The following PUM3 variants were observed in gnomAD, a reference collection of about 807,000 sequenced individuals.
PUM3 encodes the protein pumilio RNA binding family member 3, also known as pumilio homolog 3.
PUM3 carries 91 observed loss-of-function variants against 84.0 expected under a neutral mutation model. That is an observed-to-expected ratio of 1.08 (90% CI 0.91 to 1.29). The LOEUF (loss-of-function observed/expected upper bound fraction) is 1.29. Among genes scored for constraint, PUM3 ranks in the 50% most tolerant of loss-of-function variants. PUM3 has a pLI of 0.00. For synonymous variants in PUM3, 321 were observed against 266.7 expected (o/e 1.20, Z -1.98); for missense variants, 1,067 against 767.5 (o/e 1.39, Z -4.61).
At chr9:2,819,951 T>G (rs1821552831) in intron 13 of PUM3, 67 bp downstream of exon 13, 2 of 1,043,140 alleles carry the variant, frequency 1.9e-6, no homozygotes, top group African/African-American at 1.6e-5. Context: ...CATGGTGAAA[T>G]CAAGCTTACA....
chr9:2,824,967 A>G (rs1414868994), intron 10 of PUM3, 152 bp from the exon 11 acceptor site: 3 of 449,894 alleles, frequency 6.7e-6, no homozygotes, highest in Non-Finnish European at 7.8e-6. Flanking sequence ...ACAATCAAAC[A>G]GAAACACGAG....
chr9:2,804,268 T>C lies in PUM3; in HGVS notation c.*63A>G. On this transcript the variant is annotated 3_prime_UTR_variant, in exon 18 of 18. Transcript: ENST00000397885. ...ATGGTGGACCCTACCCCTTCTTTTC[T>C]GCATTGGGAAACAGAACAGAGAACA... 1 of 1,551,636 alleles carries C rather than the reference T, an allele frequency of 6.4e-7. No homozygotes were observed. The highest frequency in any genetic ancestry group is 1.8e-5 in the Admixed American group (1 of 54,756).
intron 17 of PUM3, among the ~76,000 whole-genome samples, chr9:2,805,977 C>T (rs1264149842): frequency 2.0e-5 from 3 of 152,192 alleles, no homozygotes; most frequent in African/African-American, 7.2e-5. Flanking sequence ...CCAAAATTTA[C>T]AAAAACAATT....
chr9:2,815,842 C>T (rs1292516989), intron 13 of PUM3, among the ~76,000 whole-genome samples: 3 of 152,038 alleles, frequency 2.0e-5, no homozygotes, highest in Non-Finnish European at 4.4e-5. Context: ...TCACAAAGGC[C>T]CATTTATTGT....
Position 2,811,198 on chromosome 9 carries a change from G to C in PUM3, c.1635+163C>G, listed in dbSNP as rs1464815163. Reference sequence around the variant, plus strand: ...TACCAGGCTTTGACCCAGATGGTTAGAGAAAATTAAAGATGAATGTAATTG... The same window carrying C: ...TACCAGGCTTTGACCCAGATGGTTACAGAAAATTAAAGATGAATGTAATTG... On this transcript the variant is annotated intron_variant, in intron 15 of 17. Coordinates refer to ENST00000397885, the MANE Select transcript of PUM3 (RefSeq NM_014878.5). Among the ~76,000 whole-genome samples, 3 of 152,200 alleles carry C rather than the reference G, an allele frequency of 2.0e-5. No homozygotes were observed. The East Asian group carries it at 5.8e-4, about 29-fold the overall frequency.
intron 9 of PUM3, chr9:2,828,407 A>C: frequency 2.9e-6 from 1 of 343,628 alleles, no homozygotes; most frequent in Non-Finnish European, 5.3e-6. Flanking sequence ...TCCATGTAAC[A>C]TTTTATTTGG....
rs77065993 is a variant in PUM3, at chr9:2,840,890, C to T, written c.-10-2373G>A. Among the ~76,000 whole-genome samples, 253 of 152,276 alleles carry T rather than the reference C, an allele frequency of 1.7e-3. 1 individual carries two copies. Among genetic ancestry groups the T allele is most frequent in the Non-Finnish European group, 2.7e-3 (184 of 68,040 alleles). ...GTATTTAAAAACCAAGATCTGAGTGCTAGGCGCACTTGTTGTCACTGAGGT... is the reference window on the plus strand; with the variant it reads ...GTATTTAAAAACCAAGATCTGAGTGTTAGGCGCACTTGTTGTCACTGAGGT... On this transcript the variant is annotated intron_variant, in intron 1 of 17. Transcript: ENST00000397885.
intron 9 of PUM3, 54 bp downstream of exon 9, chr9:2,828,621 C>T: frequency 1.9e-6 from 2 of 1,069,072 alleles, no homozygotes; most frequent in Non-Finnish European, 1.4e-6. Context: ...TTATGGAAAA[C>T]CTTCCTCCTT....
rs558453606 is a variant in PUM3 at position 2,835,651 on chromosome 9, T to C, written c.305-1485A>G. ...TAATATGGTATCCTCTACTATACAATAGAGGATAGGAACTGATCCAGGGCT... is the reference window on the plus strand; with the variant it reads ...TAATATGGTATCCTCTACTATACAACAGAGGATAGGAACTGATCCAGGGCT... On this transcript the variant is annotated intron_variant, in intron 3 of 17. Transcript: ENST00000397885. 7.9e-5 allele frequency among the ~76,000 whole-genome samples: 12 copies of C among 152,312 alleles called. No homozygotes were observed. In the South Asian group the frequency reaches 2.3e-3, roughly 29 times the overall value.
intron 12 of PUM3, among the ~76,000 whole-genome samples, 198 bp from the exon 13 acceptor site, chr9:2,820,296 C>T (rs936192498): frequency 5.3e-5 from 8 of 151,460 alleles, no homozygotes; most frequent in Non-Finnish European, 1.0e-4. Context: ...TCTCTTATCA[C>T]GACCTCATTA....
At chr9:2,815,085 T>C (rs903415951) in intron 13 of PUM3, among the ~76,000 whole-genome samples, 5 of 152,212 alleles carry the variant, frequency 3.3e-5, no homozygotes, top group Non-Finnish European at 5.9e-5. Context: ...CCCAAATTCA[T>C]TGAACTTTAC....
At chr9:2,809,765 CCTT>C (rs1321809091) in intron 16 of PUM3, among the ~76,000 whole-genome samples, 20 of 152,250 alleles carry the variant, frequency 1.3e-4, no homozygotes, top group African/African-American at 4.8e-4. Flanking sequence ...CTAATGCTGT[CCTT>C]CTCTAGAGAG....
intron 12 of PUM3, among the ~76,000 whole-genome samples, chr9:2,821,077 C>T (rs955109212): frequency 6.6e-5 from 10 of 152,210 alleles, no homozygotes; most frequent in Admixed American, 2.6e-4. Context: ...AACGAAGTTG[C>T]TAACTGTAAA....
At position 2,827,105 on chromosome 9, in the gene PUM3, A is replaced by T. The variant is rs1050647317; in HGVS notation, c.1003T>A (p.Phe335Ile). Residue 335 changes from phenylalanine to isoleucine, a missense_variant, in exon 10 of 18, where the codon TTT becomes ATT. Physicochemically the swap from Phe to Ile is conservative, Grantham distance 21. Coordinates refer to ENST00000397885, the MANE Select transcript of PUM3 (RefSeq NM_014878.5). Reference sequence around the variant, plus strand: ...AGTTTGGGGGGTGCATAGGTAAAAAAGTCCAAGAATACTTTATGCACCAAT... The same window carrying T: ...AGTTTGGGGGGTGCATAGGTAAAAATGTCCAAGAATACTTTATGCACCAAT... ...HSLVHKVFLDFFTYAPPKLRS... is the reference protein window; with the variant it reads ...HSLVHKVFLDIFTYAPPKLRS... 2 of 1,610,190 alleles carry T rather than the reference A, an allele frequency of 1.2e-6. No individual in the cohort carries two copies. Among genetic ancestry groups the T allele is most frequent in the Non-Finnish European group, 1.7e-6 (2 of 1,178,848 alleles).
chr9:2,814,140 C>T lies in PUM3; in HGVS notation c.1270-1778G>A, dbSNP rs953916483. 8.5e-5 allele frequency among the ~76,000 whole-genome samples: 13 copies of T among 152,194 alleles called. No individual in the cohort carries two copies. The South Asian group carries it at 2.5e-3, about 29-fold the overall frequency. ...TTTCAGTAACAAACGGGAAAACACACAAAAAGCATACAGAACTTGTTACAA... is the reference window on the plus strand; with the variant it reads ...TTTCAGTAACAAACGGGAAAACACATAAAAAGCATACAGAACTTGTTACAA... On this transcript the variant is annotated intron_variant, in intron 13 of 17. Transcript: ENST00000397885.
chr9:2,820,908 A>G (rs1040614337), intron 12 of PUM3, among the ~76,000 whole-genome samples: 3 of 152,192 alleles, frequency 2.0e-5, no homozygotes, highest in African/African-American at 7.2e-5. Context: ...AACAAAAGAA[A>G]ACAAAAACCT....
intron 12 of PUM3, among the ~76,000 whole-genome samples, chr9:2,823,196 A>C (rs1365035186): frequency 6.6e-6 from 1 of 152,034 alleles, no homozygotes; most frequent in African/African-American, 2.4e-5. Flanking sequence ...ACATATAAAC[A>C]CTATTTTTGA....
chr9:2,819,362 A>G (rs1178898909), intron 13 of PUM3, among the ~76,000 whole-genome samples: 4 of 152,244 alleles, frequency 2.6e-5, no homozygotes, highest in Non-Finnish European at 4.4e-5. Flanking sequence ...CGATAAATAC[A>G]CTACATTCAA....
At position 2,820,114 on chromosome 9, in the gene PUM3, G is replaced by A. The variant is rs756294287; in HGVS notation, c.1189-16C>T. The A allele has an allele frequency of 2.5e-6, 4 of 1,569,068 alleles. No homozygotes were observed. Among genetic ancestry groups the A allele is most frequent in the Non-Finnish European group, 2.6e-6 (3 of 1,141,814 alleles). On this transcript the variant is annotated splice_polypyrimidine_tract_variant and intron_variant, in intron 12 of 17. Coordinates refer to ENST00000397885, the MANE Select transcript of PUM3 (RefSeq NM_014878.5). The stretch of plus-strand genomic sequence containing the variant: ...AGTATTGGCCCTGCAAGAATTGGAA[G>A]CCAGCAAAGGTTAAAAACAAGTGCA...
Sources: gnomAD v4.1 joint callset for allele counts (sites outside exome capture counted in the v4.1 genomes callset) on GRCh38, gnomAD v4.1.1 for gene constraint, MANE v1.5 for transcripts, NCBI Gene and HGNC (gene_info 2026-07-23, HGNC 2026-07-21) for gene names.